TENM3: variants seen among roughly 807,000 people sequenced by gnomAD.
TENM3 encodes the protein teneurin transmembrane protein 3, also known as teneurin-3.
A neutral mutation model predicts 255.1 loss-of-function variants in TENM3; 63 were observed. That is an observed-to-expected ratio of 0.25 (90% confidence interval 0.20 to 0.30). The LOEUF (loss-of-function observed/expected upper bound fraction) is 0.30. Among genes scored for constraint, TENM3 ranks in the 10% least tolerant of loss-of-function variants. The pLI, the probability that TENM3 is intolerant of heterozygous loss-of-function variation, is 1.00. For missense variants in TENM3, 2,929 were observed against 3,461.1 expected (o/e 0.85, Z 3.86); for synonymous variants, 1,306 against 1,322.3 (o/e 0.99, Z 0.27).
intron 4 of TENM3, among the ~76,000 whole-genome samples, chr4:182,625,243 C>T (rs1054970540): frequency 6.6e-6 from 1 of 152,172 alleles, no homozygotes; most frequent in African/African-American, 2.4e-5. Context: ...GACCACTGGG[C>T]TGTGGACCAG....
chr4:182,406,325 A>C (rs956194965), intron 3 of TENM3, among the ~76,000 whole-genome samples: 2 of 152,096 alleles, frequency 1.3e-5, no homozygotes, highest in Non-Finnish European at 2.9e-5. Context: ...AATAAAAATA[A>C]ATAAAAAATA....
the TENM3 span, among the ~76,000 whole-genome samples, chr4:181,605,592 A>AGAAAGAAAGAAAGAGAAAGAAAG: frequency 2.6e-5 from 3 of 115,940 alleles, 1 homozygote; most frequent in Non-Finnish European, 3.9e-5. Flanking sequence ...AAGGAAAGAA[A>AGAAAGAAAGAAAGAGAAAGAAAG]GAAAGAAAGA....
At chr4:182,654,941 T>G (rs1438041292) in intron 6 of TENM3, among the ~76,000 whole-genome samples, 1 of 152,160 alleles carries the variant, frequency 6.6e-6, no homozygotes, top group African/African-American at 2.4e-5. Context: ...TCGATTTTTA[T>G]AATAATAGTG....
chr4:182,631,115 T>C (rs1194163319), intron 5 of TENM3, among the ~76,000 whole-genome samples: 2 of 152,176 alleles, frequency 1.3e-5, no homozygotes, highest in Admixed American at 1.3e-4. Context: ...TAATTACCAA[T>C]CTGCTTTATT....
Position 182,715,150 on chromosome 4 carries a change from T to A in TENM3, c.2368+917T>A, listed in dbSNP as rs571700554. On this transcript the variant is annotated intron_variant, in intron 13 of 27. Transcript: ENST00000511685. ...CCGCCCACCTCGGCCTCCAAAGTGC[T>A]GGGATTACAGGCGTGAGCCACCGCA... 9.8e-5 allele frequency among the ~76,000 whole-genome samples: 15 copies of A among 152,376 alleles called. 1 individual carries two copies. The South Asian group carries it at 3.1e-3, about 32-fold the overall frequency.
chr4:182,299,425 C>T (rs1580074408), intron 1 of TENM3, among the ~76,000 whole-genome samples: 1 of 151,984 alleles, frequency 6.6e-6, no homozygotes. Context: ...AATATAGATT[C>T]GGAAATTATT....
chr4:181,746,652 T>C, the TENM3 span, among the ~76,000 whole-genome samples: 1 of 152,152 alleles, frequency 6.6e-6, no homozygotes, highest in Non-Finnish European at 1.5e-5. Flanking sequence ...ATGACTCTGC[T>C]TACTTAGGTA....
chr4:182,066,900 G>A, the TENM3 span, among the ~76,000 whole-genome samples: 1 of 152,226 alleles, frequency 6.6e-6, no homozygotes, highest in East Asian at 1.9e-4. Flanking sequence ...GACAGAGCGA[G>A]ACTCCATCTC....
At chr4:181,529,414 C>T in the TENM3 span, among the ~76,000 whole-genome samples, 1 of 152,134 alleles carries the variant, frequency 6.6e-6, no homozygotes, top group African/African-American at 2.4e-5. Context: ...GTTTTGCTTC[C>T]ATTCTCTTCA....
At chr4:182,494,097 A>G (rs957769309) in intron 3 of TENM3, among the ~76,000 whole-genome samples, 4 of 152,002 alleles carry the variant, frequency 2.6e-5, no homozygotes, top group African/African-American at 4.8e-5. Context: ...CTAATTTCCT[A>G]TTTTTTGCCA....
intron 3 of TENM3, among the ~76,000 whole-genome samples, chr4:182,600,474 T>TA (rs928172742): frequency 6.6e-6 from 1 of 152,178 alleles, no homozygotes; most frequent in Non-Finnish European, 1.5e-5. Context: ...AAATAAAGCT[T>TA]AAAAAAACTC....
chr4:182,571,825 A>G (rs920392704), intron 3 of TENM3, among the ~76,000 whole-genome samples: 39 of 152,332 alleles, frequency 2.6e-4, no homozygotes, highest in African/African-American at 7.7e-4. Context: ...ACAACGTGAC[A>G]TAATTATAAA....
intron 13 of TENM3, among the ~76,000 whole-genome samples, chr4:182,721,069 A>G (rs1225018538): frequency 6.6e-6 from 1 of 152,082 alleles, no homozygotes; most frequent in African/African-American, 2.4e-5. Flanking sequence ...CGCCCGGCCT[A>G]AAAGTCTCCC....
chr4:182,311,317 T>C (rs1351946851), intron 1 of TENM3, among the ~76,000 whole-genome samples: 1 of 152,254 alleles, frequency 6.6e-6, no homozygotes, highest in Non-Finnish European at 1.5e-5. Flanking sequence ...TCTCTGCAAA[T>C]GTAATTTTCA....
the TENM3 span, among the ~76,000 whole-genome samples, chr4:181,582,474 A>G: frequency 6.6e-6 from 1 of 151,954 alleles, no homozygotes; most frequent in Non-Finnish European, 1.5e-5. Flanking sequence ...ATGACTTTAA[A>G]CCAAACAAAC....
chr4:182,380,819 A>G (rs558343735), intron 3 of TENM3, among the ~76,000 whole-genome samples: 1 of 152,320 alleles, frequency 6.6e-6, no homozygotes, highest in South Asian at 2.1e-4. Flanking sequence ...TGACGCAACC[A>G]AGGTTAACCC....
chr4:182,722,840 A>G lies in TENM3; in HGVS notation c.2369-6125A>G, dbSNP rs561205901. Among the ~76,000 whole-genome samples, 27 of 152,296 alleles carry G rather than the reference A, an allele frequency of 1.8e-4. 1 individual carries two copies. Among genetic ancestry groups the G allele is most frequent in the Non-Finnish European group, 3.1e-4 (21 of 68,018 alleles). On this transcript the variant is annotated intron_variant, in intron 13 of 27. Coordinates refer to ENST00000511685, the MANE Select transcript of TENM3 (RefSeq NM_001080477.4). ...CTGATGGATAGTTTCAGGGAAAGAG[A>G]AAGAAATAGACTAATTCAAGAGAGA...
intron 1 of TENM3, among the ~76,000 whole-genome samples, chr4:182,305,501 AT>A (rs1349593265): frequency 6.6e-6 from 1 of 152,238 alleles, no homozygotes; most frequent in African/African-American, 2.4e-5. Context: ...TATTGTGGTG[AT>A]CCATCCCCAG....
In TENM3 at chr4:182,752,314, T is replaced by C. The variant is rs544206558; in HGVS notation, c.3862+282T>C. ...CAAAGAATGAAGCAACTAACTACTC[T>C]ATATAATTCAGGCCACATCCTGTTC... is the stretch of plus-strand genomic sequence containing the variant. On this transcript the variant is annotated intron_variant, in intron 20 of 27. Coordinates refer to ENST00000511685, the MANE Select transcript of TENM3 (RefSeq NM_001080477.4). Among the ~76,000 whole-genome samples, 14 of 152,276 alleles carry C rather than the reference T, an allele frequency of 9.2e-5. No individual in the cohort carries two copies. The South Asian group carries it at 2.9e-3, about 32-fold the overall frequency.
Sources: allele counts gnomAD v4.1 joint callset (sites outside exome capture counted in the v4.1 genomes callset), GRCh38; gene constraint gnomAD v4.1.1; transcripts MANE v1.5; gene names NCBI Gene and HGNC (gene_info 2026-07-23, HGNC 2026-07-21).